The following KANK1 variants were observed in gnomAD, a reference collection of about 807,000 sequenced individuals.
KANK1 encodes the protein KN motif and ankyrin repeat domains 1.
KANK1 carries 109 observed loss-of-function variants against 106.2 expected under a neutral mutation model. That is an observed-to-expected ratio of 1.03 (90% CI 0.88 to 1.20). The LOEUF (loss-of-function observed/expected upper bound fraction) is 1.20, where lower values mean the gene tolerates loss of function less well. Ranked by LOEUF, KANK1 falls within the 50% of genes most tolerant of loss-of-function variation. The pLI, the probability that KANK1 is intolerant of heterozygous loss-of-function variation, is 0.00. For missense variants in KANK1, 2,399 were observed against 1,710.7 expected, an observed-to-expected ratio of 1.40 and a Z score of -7.10; for synonymous variants, 873 against 652.2, an observed-to-expected ratio of 1.34 and a Z score of -5.16.
At chr9:740,681 T>C in intron 8 of KANK1, 111 bp from the exon 9 acceptor site, 6 of 1,200,930 alleles carry the variant, frequency 5.0e-6, no homozygotes, top group Non-Finnish European at 7.0e-6. Flanking sequence ...TCCAGCCACC[T>C]GGTACCATTT....
chr9:577,577 A>G (rs1820918318), intron 1 of KANK1, among the ~76,000 whole-genome samples: 1 of 152,168 alleles, frequency 6.6e-6, no homozygotes, highest in African/African-American at 2.4e-5. Context: ...TCTCAGTATC[A>G]TCTCCCAGAT....
chr9:642,682 A>G (rs1323601052), intron 1 of KANK1, among the ~76,000 whole-genome samples: 1 of 150,218 alleles, frequency 6.7e-6, no homozygotes, highest in Non-Finnish European at 1.5e-5. Context: ...GTGGCAGGTA[A>G]CTCTTACTTG....
chr9:626,557 G>C (rs919245272), intron 1 of KANK1, among the ~76,000 whole-genome samples: 3 of 152,268 alleles, frequency 2.0e-5, no homozygotes, highest in South Asian at 4.2e-4. Context: ...CTTAGGAGGA[G>C]GCTGTACATA....
At chr9:602,471 G>C (rs976093010) in intron 1 of KANK1, among the ~76,000 whole-genome samples, 18 of 151,570 alleles carry the variant, frequency 1.2e-4, no homozygotes, top group African/African-American at 3.9e-4. Context: ...TGTTGGCCAG[G>C]ATGGTCTCAA....
chr9:645,380 T>C (rs12237630), intron 1 of KANK1, among the ~76,000 whole-genome samples: 37,123 of 139,388 alleles, frequency 0.27, 5,858 homozygotes, highest in African/African-American at 0.39. Context: ...GTGGAGGTTG[T>C]AGTGATCCAA....
intron 3 of KANK1, among the ~76,000 whole-genome samples, chr9:721,082 T>C (rs1195859852): frequency 6.6e-6 from 1 of 152,198 alleles, no homozygotes; most frequent in Non-Finnish European, 1.5e-5. Flanking sequence ...TTGGAGACAC[T>C]AGTTGTATTA....
intron 2 of KANK1, chr9:470,820 G>C (rs2058005595): frequency 6.6e-6 from 1 of 152,172 alleles, no homozygotes; most frequent in Admixed American, 6.6e-5. Context: ...TCACCCCCTA[G>C]TTTTTTGTCT....
At chr9:547,272 G>A (rs1218705782) in intron 1 of KANK1, 1 of 152,206 alleles carries the variant, frequency 6.6e-6, no homozygotes, top group Non-Finnish European at 1.5e-5. Context: ...CAATTAACAA[G>A]AAAGTCTACA....
At chr9:680,261 G>A (rs1300913217) in intron 2 of KANK1, among the ~76,000 whole-genome samples, 1 of 152,092 alleles carries the variant, frequency 6.6e-6, no homozygotes, top group Non-Finnish European at 1.5e-5. Flanking sequence ...CTCTGGGAAA[G>A]GGCAAACCAT....
chr9:642,042 C>T (rs1410712515), intron 1 of KANK1, among the ~76,000 whole-genome samples: 2 of 152,148 alleles, frequency 1.3e-5, no homozygotes, highest in Non-Finnish European at 2.9e-5. Flanking sequence ...CTTTCTGTGT[C>T]CATGGGTATA....
chr9:669,498 G>C (rs1314793441), intron 1 of KANK1, among the ~76,000 whole-genome samples: 1 of 143,402 alleles, frequency 7.0e-6, no homozygotes, highest in Non-Finnish European at 1.6e-5. Flanking sequence ...AAGTATTTGA[G>C]GATAGCAGGG....
intron 2 of KANK1, among the ~76,000 whole-genome samples, chr9:691,611 A>ATTTTTTTTTTTTTTTTTTTTTT (rs767618077): frequency 1.1e-4 from 8 of 71,070 alleles, no homozygotes; most frequent in African/African-American, 3.2e-4. Context: ...TAATACCAGA[A>ATTTTTTTTTTTTTTTTTTTTTT]TTTTTTTTTT....
At chr9:604,841 A>G (rs1828687082) in intron 1 of KANK1, among the ~76,000 whole-genome samples, 1 of 151,724 alleles carries the variant, frequency 6.6e-6, no homozygotes, top group African/African-American at 2.4e-5. Context: ...AAATAATGAT[A>G]ATAGTAAGTT....
chr9:638,558 T>A (rs78171625), intron 1 of KANK1, among the ~76,000 whole-genome samples: 11,583 of 152,260 alleles, frequency 0.076, 611 homozygotes, highest in African/African-American at 0.15. Flanking sequence ...GCACCAGCTC[T>A]GTAAAGTGCC....
At chr9:572,996 TC>T (rs1307181753) in intron 1 of KANK1, among the ~76,000 whole-genome samples, 6 of 152,208 alleles carry the variant, frequency 3.9e-5, no homozygotes, top group African/African-American at 1.4e-4. Context: ...AACCAAAAGT[TC>T]TCTTTTCTTC....
intron 1 of KANK1, among the ~76,000 whole-genome samples, chr9:622,097 A>G: frequency 6.6e-6 from 1 of 152,130 alleles, no homozygotes; most frequent in East Asian, 1.9e-4. Flanking sequence ...TTGTTGTGTC[A>G]TGGGAATTTA....
upstream of KANK1, among the ~76,000 whole-genome samples, chr9:499,787 A>C (rs770549625): frequency 6.6e-6 from 1 of 152,196 alleles, no homozygotes; most frequent in Non-Finnish European, 1.5e-5. Flanking sequence ...GTTTAATATA[A>C]GTTTTGTGTG....
At chr9:477,454 T>C (rs1013739250) in intron 3 of KANK1, among the ~76,000 whole-genome samples, 2 of 152,198 alleles carry the variant, frequency 1.3e-5, no homozygotes, top group Non-Finnish European at 2.9e-5. Flanking sequence ...ACAATGAACC[T>C]GAATTCTAAA....
intron 3 of KANK1, among the ~76,000 whole-genome samples, chr9:497,130 T>C (rs576986976): frequency 3.3e-5 from 5 of 152,276 alleles, no homozygotes; most frequent in South Asian, 4.1e-4. Context: ...TTTCAAACAG[T>C]TGTTTCCAGG....
Sources: gnomAD v4.1 joint callset for allele counts (sites outside exome capture counted in the v4.1 genomes callset) on GRCh38, gnomAD v4.1.1 for gene constraint, MANE v1.5 for transcripts, NCBI Gene and HGNC (gene_info 2026-07-23, HGNC 2026-07-21) for gene names.